MYLK3: variants seen among roughly 807,000 people sequenced by gnomAD.
The protein encoded by MYLK3 is MLC kinase.
MYLK3 carries 55 observed loss-of-function variants against 76.3 expected under a neutral mutation model. The ratio of observed to expected loss-of-function variants is 0.72; its 90% CI spans 0.58 to 0.90. The LOEUF (loss-of-function observed/expected upper bound fraction) is 0.90, where lower values mean the gene tolerates loss of function less well. Ranked by LOEUF, MYLK3 falls within the 40% of genes least tolerant of loss-of-function variation. The probability of loss-of-function intolerance (pLI) is 0.00; values close to 1 mark genes in which losing one functional copy is unlikely to be tolerated. For missense variants in MYLK3, 973 were observed against 1,053.6 expected (o/e 0.92, Z 1.06); for synonymous variants, 416 against 425.4 (o/e 0.98, Z 0.27).
At chr16:46,757,945 C>G (rs113292069) in intron 1 of MYLK3, among the ~76,000 whole-genome samples, 1 of 152,214 alleles carries the variant, frequency 6.6e-6, no homozygotes, top group African/African-American at 2.4e-5. Flanking sequence ...GAGGAGAGGC[C>G]GGGTCTGCAG....
chr16:46,737,637 TGCCCACG>T (rs1966875322), intron 3 of MYLK3, 67 bp downstream of exon 3: 2 of 1,411,628 alleles, frequency 1.4e-6, no homozygotes, highest in Non-Finnish European at 9.6e-7. Context: ...CAGTGGATGC[TGCCCACG>T]GCCGAGCTCC....
At chr16:46,741,915 C>A (rs1002666501) in intron 1 of MYLK3, among the ~76,000 whole-genome samples, 2 of 152,066 alleles carry the variant, frequency 1.3e-5, no homozygotes, top group African/African-American at 4.8e-5. Context: ...GGACTACAGG[C>A]ACGTGCCACC....
chr16:46,746,140 C>A (rs1377354188), intron 1 of MYLK3, among the ~76,000 whole-genome samples: 1 of 152,074 alleles, frequency 6.6e-6, no homozygotes, highest in Admixed American at 6.6e-5. Flanking sequence ...TATAAAATGT[C>A]ATGGTATTTG....
chr16:46,727,514 C>T, intron 7 of MYLK3, 137 bp from the exon 8 acceptor site: 3 of 952,560 alleles, frequency 3.1e-6, no homozygotes, highest in Non-Finnish European at 4.5e-6. Context: ...GCTGCTGCCA[C>T]TGCCCTTGGG....
At chr16:46,758,815 T>A (rs1006997971) in intron 1 of MYLK3, among the ~76,000 whole-genome samples, 1 of 152,082 alleles carries the variant, frequency 6.6e-6, no homozygotes, top group Non-Finnish European at 1.5e-5. Flanking sequence ...TTGAGAGGTG[T>A]GTGCGGGGTG....
intron 8 of MYLK3, among the ~76,000 whole-genome samples, chr16:46,723,803 C>G (rs141631798): frequency 4.6e-5 from 7 of 152,152 alleles, no homozygotes; most frequent in Non-Finnish European, 8.8e-5. Context: ...GCATGTGCCA[C>G]GACACCCAGA....
intron 7 of MYLK3, 48 bp from the exon 8 acceptor site, chr16:46,727,425 C>T: frequency 1.3e-6 from 2 of 1,563,822 alleles, no homozygotes; most frequent in Non-Finnish European, 1.7e-6. Context: ...CAAGGCTCTT[C>T]AGGGCTTGTC....
Position 46,727,313 on chromosome 16 carries a change from CA to C in MYLK3, c.1836del (p.Asp612GlufsTer58). ...CAGATCTGCCTGGTGAACAGGACCA[CA>C]TCCAGCTCAGTCAGGTGGTACTTCT... ...TDEKYHLTEL[D>X]VVLFTRQICE... On this transcript the variant is annotated frameshift_variant, in exon 8 of 13. Transcript: ENST00000394809. LOFTEE classifies it high-confidence loss of function. 1 of 1,614,120 alleles carries C rather than the reference CA, an allele frequency of 6.2e-7. No homozygotes were observed.
chr16:46,740,224 T>C, intron 1 of MYLK3, 77 bp from the exon 2 acceptor site: 2 of 1,154,850 alleles, frequency 1.7e-6, no homozygotes, highest in Non-Finnish European at 2.6e-6. Flanking sequence ...GTTTAGCACC[T>C]CCCCCTTGTT....
intron 1 of MYLK3, chr16:46,763,016 A>G: frequency 1.0e-6 from 1 of 985,422 alleles, no homozygotes; most frequent in Non-Finnish European, 1.2e-6. Flanking sequence ...CACACACAGT[A>G]GGTTTATCAC....
upstream of MYLK3, among the ~76,000 whole-genome samples, chr16:46,751,630 C>T (rs1967127027): frequency 6.6e-6 from 1 of 152,092 alleles, no homozygotes; most frequent in Non-Finnish European, 1.5e-5. Flanking sequence ...AGGCAGCAGG[C>T]GGCTGAGCAG....
intron 8 of MYLK3, among the ~76,000 whole-genome samples, chr16:46,722,264 C>T (rs1966806944): frequency 6.6e-6 from 1 of 152,180 alleles, no homozygotes; most frequent in Non-Finnish European, 1.5e-5. Flanking sequence ...GGGCTCATTA[C>T]CTGGTTCTGT....
chr16:46,724,196 A>T (rs1362593146), intron 8 of MYLK3, among the ~76,000 whole-genome samples: 2 of 152,186 alleles, frequency 1.3e-5, no homozygotes, highest in Non-Finnish European at 2.9e-5. Context: ...TATGTTGTAG[A>T]TACAAATCCT....
upstream of MYLK3, among the ~76,000 whole-genome samples, chr16:46,753,299 C>A (rs762920240): frequency 2.6e-5 from 4 of 152,164 alleles, no homozygotes; most frequent in Non-Finnish European, 5.9e-5. Flanking sequence ...CACAGAAGGG[C>A]CTGACCAGGC....
rs756140736 is a variant in MYLK3, at chr16:46,748,194, G to T, written c.-1C>A. On this transcript the variant is annotated 5_prime_UTR_variant, in exon 1 of 13. Transcript: ENST00000394809. This position sits in a 1 kb window ranked among gnomAD's most constrained non-coding sequence, Gnocchi z 4.3. ...GACTCTCCTTGGAGGTTCCTGACAT[G>T]CTGGTGCAGGCTTGACAAGGGCAAG... 1.2e-6 allele frequency: 2 copies of T among 1,610,140 alleles called. No individual in the cohort carries two copies. The highest frequency in any genetic ancestry group is 2.2e-5 in the South Asian group (2 of 90,624).
upstream of MYLK3, among the ~76,000 whole-genome samples, chr16:46,749,837 A>C (rs909535668): frequency 2.6e-5 from 4 of 152,190 alleles, no homozygotes; most frequent in Non-Finnish European, 5.9e-5. Flanking sequence ...CTTGACCACA[A>C]CCTTCTCTAC....
intron 1 of MYLK3, among the ~76,000 whole-genome samples, chr16:46,759,776 C>T (rs769779595): frequency 5.3e-5 from 8 of 152,060 alleles, no homozygotes; most frequent in African/African-American, 9.7e-5. Flanking sequence ...GACAGGCAGG[C>T]GGGCACCACC....
rs929242703 is a variant in MYLK3 at position 46,760,257 on chromosome 16, T to A, written c.-114+2783A>T. ...CCTGTGTTCACTGTGGACGAGAGGG[T>A]TTCTGGAAGTCCCTTCGACTCCTAC... On this transcript the variant is annotated intron_variant, in intron 1 of 11. Coordinates refer to the MYLK3 transcript ENST00000536476. 3.9e-5 allele frequency among the ~76,000 whole-genome samples: 6 copies of A among 151,952 alleles called. No individual in the cohort carries two copies. In the East Asian group the frequency reaches 1.2e-3, roughly 29 times the overall value.
chr16:46,713,649 T>C (rs1385474577), intron 9 of MYLK3, among the ~76,000 whole-genome samples: 1 of 152,242 alleles, frequency 6.6e-6, no homozygotes, highest in Non-Finnish European at 1.5e-5. Context: ...ACATTAACTA[T>C]AATCACCATG....
Sources: allele counts gnomAD v4.1 joint callset (sites outside exome capture counted in the v4.1 genomes callset), GRCh38; gene constraint gnomAD v4.1.1; non-coding constraint Gnocchi (gnomAD v3.1); transcripts MANE v1.5; gene names NCBI Gene and HGNC (gene_info 2026-07-23, HGNC 2026-07-21).